SERINC1: variants seen among roughly 807,000 people sequenced by gnomAD.
The protein encoded by SERINC1 is serine incorporator 1, also known as tumor differentially expressed protein 2.
In SERINC1, 38 loss-of-function variants were observed where a neutral mutation model predicts 52.9. The ratio of observed to expected loss-of-function variants is 0.72; its 90% CI spans 0.55 to 0.94. The LOEUF is 0.94. Ranked by LOEUF, SERINC1 falls within the 40% of genes least tolerant of loss-of-function variation. The probability of loss-of-function intolerance (pLI) is 0.00; values close to 1 mark genes in which losing one functional copy is unlikely to be tolerated. For synonymous variants in SERINC1, 198 were observed against 183.1 expected, an observed-to-expected ratio of 1.08 and a Z score of -0.66; for missense variants, 471 against 533.9, an observed-to-expected ratio of 0.88 and a Z score of 1.16.
intron 1 of SERINC1, among the ~76,000 whole-genome samples, chr6:122,466,801 A>T (rs1027257643): frequency 3.3e-5 from 5 of 152,228 alleles, no homozygotes; most frequent in African/African-American, 1.2e-4. Context: ...CAGTCCAGGA[A>T]GCATAATATG....
chr6:122,446,801 A>C lies in SERINC1; in HGVS notation c.1199T>G (p.Ile400Ser). Residue 400 changes from isoleucine to serine, a missense_variant, in exon 9 of 10, where the codon ATC (isoleucine) becomes AGC (serine). Coordinates refer to ENST00000339697, the MANE Select transcript of SERINC1 (RefSeq NM_020755.4). ...GTACCAGTTGGTAAGGGTCATCATG[A>C]TATAAAGTGAAGCCAGGAAAAGCAT... ...HFMLFLASLY[I>S]MMTLTNWYRY... 2 of 1,613,218 alleles carry C rather than the reference A, an allele frequency of 1.2e-6. No homozygotes were observed. Among genetic ancestry groups the C allele is most frequent in the Non-Finnish European group, 1.7e-6 (2 of 1,179,154 alleles).
At chr6:122,457,254 C>T (rs934692617) in intron 2 of SERINC1, among the ~76,000 whole-genome samples, 4 of 152,126 alleles carry the variant, frequency 2.6e-5, no homozygotes, top group African/African-American at 9.7e-5. Context: ...TCCCAGTTTT[C>T]TAGGATCAGA....
rs1365836780 is a variant in SERINC1, at chr6:122,445,099, A to G, written c.1307T>C (p.Leu436Pro). The G allele has an allele frequency of 1.2e-6, 2 of 1,614,004 alleles. No homozygotes were observed. The highest frequency in any genetic ancestry group is 1.7e-6 in the Non-Finnish European group (2 of 1,179,976). Reference sequence around the variant, plus strand: ...TGGTGCCACGAGTGTCCAAACATACAGCACGATGCCAATCCAACTGGAAGA... The same window carrying G: ...TGGTGCCACGAGTGTCCAAACATACGGCACGATGCCAATCCAACTGGAAGA... Reference protein sequence around the residue: ...KISSSWIGIVLYVWTLVAPLV... With the variant: ...KISSSWIGIVPYVWTLVAPLV... Residue 436 changes from leucine to proline, a missense_variant, in exon 10 of 10, where the codon CTG becomes CCG. Coordinates refer to ENST00000339697, the MANE Select transcript of SERINC1 (RefSeq NM_020755.4).
chr6:122,463,953 T>C (rs1775147488), intron 1 of SERINC1, among the ~76,000 whole-genome samples: 1 of 152,160 alleles, frequency 6.6e-6, no homozygotes, highest in African/African-American at 2.4e-5. Flanking sequence ...GCTCCTCAAA[T>C]GGTGAATGGA....
rs1421193269 is a variant in SERINC1 at position 122,451,949 on chromosome 6, A to T, written c.698T>A (p.Ile233Asn). ...PASCSENKAF[I>N]SVNMLLCVGA... ...AACGCAGAGGAGCATGTTGACACTG[A>T]TGAACGCCTTGTTTTCTGAACAACT... Residue 233 changes from isoleucine (I) to asparagine (N), a missense_variant, in exon 6 of 10, where the codon ATC becomes AAC. Coordinates refer to ENST00000339697, the MANE Select transcript of SERINC1 (RefSeq NM_020755.4). The T allele has an allele frequency of 6.2e-7, 1 of 1,600,176 alleles. No homozygotes were observed. Among genetic ancestry groups the T allele is most frequent in the East Asian group, 2.3e-5 (1 of 43,246 alleles).
At position 122,456,664 on chromosome 6, in the gene SERINC1, A is replaced by C. The variant is rs1463183652; in HGVS notation, c.202-14T>G. 5.8e-6 allele frequency: 9 copies of C among 1,557,020 alleles called. No homozygotes were observed. The highest frequency in any genetic ancestry group is 1.9e-4 in the Middle Eastern group (1 of 5,264). On this transcript the variant is annotated splice_polypyrimidine_tract_variant and intron_variant, in intron 2 of 9. Coordinates refer to ENST00000339697, the MANE Select transcript of SERINC1 (RefSeq NM_020755.4). Reference sequence around the variant, plus strand: ...AAATCCAGGAATCTAGAAAAACAAAAGAGTTTATGATCCATCATTTTTTTT... The same window carrying C: ...AAATCCAGGAATCTAGAAAAACAAACGAGTTTATGATCCATCATTTTTTTT...
rs1169574729 is a variant in SERINC1 at position 122,453,760 on chromosome 6, G to A, written c.589+10C>T. On this transcript the variant is annotated intron_variant, in intron 5 of 9. Coordinates refer to ENST00000339697, the MANE Select transcript of SERINC1 (RefSeq NM_020755.4). ...AACTATACTGAAGTTGTTCTGCGAC[G>A]AAAGCTTACCTGCATACCAACATCT... 19 of 1,586,022 alleles carry A rather than the reference G, an allele frequency of 1.2e-5. No individual in the cohort carries two copies. The highest frequency in any genetic ancestry group is 3.4e-5 in the Admixed American group (2 of 58,580).
At position 122,454,054 on chromosome 6, in the gene SERINC1, C is replaced by A. The variant is rs534475688; in HGVS notation, c.451+97G>T. The A allele has an allele frequency of 2.7e-5, 31 of 1,139,428 alleles. 1 individual carries two copies. The South Asian group carries it at 4.2e-4, about 15-fold the overall frequency. The allele number at this position is 1,139,428 out of a possible 1,614,324, so 70.6% of individuals were successfully genotyped here. On this transcript the variant is annotated intron_variant, in intron 4 of 9. Coordinates refer to ENST00000339697, the MANE Select transcript of SERINC1 (RefSeq NM_020755.4). ...TGGGGAAACACACACACACACACCC[C>A]CAAACAAAAAGACAAACAATTATAG...
intron 5 of SERINC1, 93 bp from the exon 6 acceptor site, chr6:122,452,150 G>A (rs1774921424): frequency 1.2e-6 from 1 of 817,362 alleles, no homozygotes; most frequent in Non-Finnish European, 1.7e-6. Context: ...CTGTCATTTT[G>A]TCAAAAAATA....
intron 5 of SERINC1, 112 bp downstream of exon 5, chr6:122,453,658 C>A: frequency 1.2e-6 from 1 of 828,334 alleles, no homozygotes; most frequent in Non-Finnish European, 1.7e-6. Context: ...AATTAAAAAC[C>A]TCATCATAGG....
rs1262687988 is a variant in SERINC1, at chr6:122,445,018, T to G, written c.*26A>C. ...GTTTTCAAATAAGCAATAATCAAAG[T>G]GGGACTTTCATGCTAGAAGTCTCAC... On this transcript the variant is annotated 3_prime_UTR_variant, in exon 10 of 10. Transcript: ENST00000339697. The G allele has an allele frequency of 6.2e-7, 1 of 1,600,960 alleles. No individual in the cohort carries two copies. Among genetic ancestry groups the G allele is most frequent in the Admixed American group, 1.7e-5 (1 of 57,340 alleles).
chr6:122,459,819 G>C (rs1359531693), intron 1 of SERINC1, among the ~76,000 whole-genome samples: 1 of 151,590 alleles, frequency 6.6e-6, no homozygotes, highest in African/African-American at 2.4e-5. Flanking sequence ...AAATGAGAAG[G>C]GAAAAAACGG....
Position 122,446,986 on chromosome 6 carries a change from A to G in SERINC1, c.1014T>C (p.Asn338=). Reference sequence around the variant, plus strand: ...TTAGAGTCAGTTTATTAACCTGACTATTGTTTGAAGTACGGATGCTGTATG... The same window carrying G: ...TTAGAGTCAGTTTATTAACCTGACTGTTGTTTGAAGTACGGATGCTGTATG... The part of the protein sequence containing the change: ...VFYSSIRTSN[N]SQVNKLTLTS... The change falls in exon 9 of 10, where the codon AAT becomes AAC. Residue 338 remains asparagine, a synonymous_variant. Transcript: ENST00000339697. 22 of 1,609,374 alleles carry G rather than the reference A, an allele frequency of 1.4e-5. No individual in the cohort carries two copies. The highest frequency in any genetic ancestry group is 1.9e-5 in the Non-Finnish European group (22 of 1,175,688).
At chr6:122,469,639 C>T (rs1468458890) in intron 1 of SERINC1, among the ~76,000 whole-genome samples, 1 of 152,136 alleles carries the variant, frequency 6.6e-6, no homozygotes, top group African/African-American at 2.4e-5. Flanking sequence ...TCACTGCAAC[C>T]TCCGTCTCCC....
At chr6:122,467,119 C>T (rs753769716) in intron 1 of SERINC1, among the ~76,000 whole-genome samples, 21 of 152,034 alleles carry the variant, frequency 1.4e-4, no homozygotes, top group Middle Eastern at 3.2e-3. Context: ...AGGGTTTCAA[C>T]CTAAGAGAGA....
intron 1 of SERINC1, among the ~76,000 whole-genome samples, chr6:122,470,983 C>T (rs961747285): frequency 2.0e-5 from 3 of 151,174 alleles, no homozygotes; most frequent in Non-Finnish European, 4.4e-5. Context: ...ATGCAATGTA[C>T]AGCTAATTAA....
In SERINC1 at chr6:122,447,926, C is replaced by T. The variant is rs556873863; in HGVS notation, c.851-661G>A. ...GTCAAGAGATAGAGATCATCCTGGC[C>T]AACATGGTGAAACCGCTTCTCTACT... On this transcript the variant is annotated intron_variant, in intron 7 of 9. Transcript: ENST00000339697. Among the ~76,000 whole-genome samples the T allele has an allele frequency of 8.5e-5, 13 of 152,052 alleles. No homozygotes were observed. The South Asian group carries it at 2.7e-3, about 32-fold the overall frequency.
At chr6:122,454,105 C>T in intron 4 of SERINC1, 46 bp downstream of exon 4, 3 of 1,307,044 alleles carry the variant, frequency 2.3e-6, no homozygotes, top group Non-Finnish European at 3.2e-6. Context: ...ATTTCAGATT[C>T]CTTTATAAAA....
chr6:122,461,343 T>G (rs1582635872), intron 1 of SERINC1, among the ~76,000 whole-genome samples: 1 of 151,882 alleles, frequency 6.6e-6, no homozygotes, highest in Non-Finnish European at 1.5e-5. Context: ...AACAAAGAAA[T>G]AAATCACACT....
Sources: gnomAD v4.1 joint callset for allele counts (sites outside exome capture counted in the v4.1 genomes callset) on GRCh38, gnomAD v4.1.1 for gene constraint, MANE v1.5 for transcripts, NCBI Gene and HGNC (gene_info 2026-07-23, HGNC 2026-07-21) for gene names.